CTRB2: variants seen among roughly 807,000 people sequenced by gnomAD.
The protein encoded by CTRB2 is chymotrypsin B2.
CTRB2 carries 9 observed loss-of-function variants against 19.3 expected under a neutral mutation model. That is an observed-to-expected ratio of 0.47 (90% CI 0.28 to 0.81). The LOEUF (loss-of-function observed/expected upper bound fraction) is 0.81, where lower values mean the gene tolerates loss of function less well. Ranked by LOEUF, CTRB2 falls within the 40% of genes least tolerant of loss-of-function variation. The probability of loss-of-function intolerance (pLI) is 0.11; values close to 1 mark genes in which losing one functional copy is unlikely to be tolerated. For synonymous variants in CTRB2, 98 were observed against 117.3 expected (o/e 0.84, Z 1.06); for missense variants, 210 against 269.7 (o/e 0.78, Z 1.55).
intron 1 of CTRB2, 29 bp from the exon 2 acceptor site, chr16:75,206,222 G>T (rs752532451): frequency 6.5e-7 from 1 of 1,543,534 alleles, no homozygotes; most frequent in Non-Finnish European, 8.8e-7. Flanking sequence ...TGAGGGGTGG[G>T]TACCACCCAC....
At chr16:75,204,509 G>A (rs1200718307) in intron 6 of CTRB2, among the ~76,000 whole-genome samples, 187 bp from the exon 7 acceptor site, 2 of 152,106 alleles carry the variant, frequency 1.3e-5, no homozygotes, top group Admixed American at 6.5e-5. Flanking sequence ...GGAGGGAGCT[G>A]GGGCAGGTGG....
At position 75,204,322 on chromosome 16, in the gene CTRB2, C is replaced by A. The variant is rs759430138; in HGVS notation, c.631G>T (p.Gly211Cys). 7 of 1,613,752 alleles carry A rather than the reference C, an allele frequency of 4.3e-6. No individual in the cohort carries two copies. In the East Asian group the frequency reaches 1.6e-4, roughly 36 times the overall value. Residue 211 changes from glycine to cysteine, a missense_variant and splice_region_variant, in exon 7 of 7, where the codon GGT becomes TGT. Around this residue, in one of 4 missense-constraint regions of CTRB2, gnomAD observed 120 missense variants for 90.8 expected, o/e 1.32. Transcript: ENST00000303037. Reference protein sequence around the residue: ...AGASGVSSCMGDSGGPLVCQK... With the variant: ...AGASGVSSCMCDSGGPLVCQK... ...CAGACCAGGGGGCCTCCAGAGTCAC[C>A]CTGCAGGAAGGAGAGGAAGTATCTC...
chr16:75,204,830 G>T lies in CTRB2; in HGVS notation c.573C>A (p.Gly191=), dbSNP rs1472095182. ...LSNAECKKSW[G]RRITDVMICA... ...AGATCATCACGTCGGTGATCCTCCTGCCCCAGGACTTCTTGCATTCGGCAT... is the reference window on the plus strand; with the variant it reads ...AGATCATCACGTCGGTGATCCTCCTTCCCCAGGACTTCTTGCATTCGGCAT... Residue 191 remains glycine (G), a synonymous_variant, in exon 6 of 7, where the codon GGC becomes GGA. Transcript: ENST00000303037. 7 of 1,379,148 alleles carry T rather than the reference G, an allele frequency of 5.1e-6. No homozygotes were observed. The Admixed American group carries it at 1.5e-4, about 30-fold the overall frequency. 85.4% of individuals were successfully genotyped at this position (1,379,148 alleles called of 1,614,324 possible).
At chr16:75,207,060 C>G in intron 1 of CTRB2, 30 bp downstream of exon 1, 2 of 1,549,446 alleles carry the variant, frequency 1.3e-6, no homozygotes, top group Non-Finnish European at 1.7e-6. Flanking sequence ...AGGAGAAAAC[C>G]CTTCGGCCTC....
chr16:75,206,840 C>G (rs1471081222), intron 1 of CTRB2: 2 of 517,196 alleles, frequency 3.9e-6, no homozygotes, highest in African/African-American at 3.9e-5. Flanking sequence ...CCCCTGAGAG[C>G]CTCAGGTCTG....
chr16:75,206,311 C>G (rs2038891346), intron 1 of CTRB2, 118 bp from the exon 2 acceptor site: 1 of 1,119,056 alleles, frequency 8.9e-7, no homozygotes, highest in East Asian at 2.6e-5. Context: ...CCCACATCCC[C>G]TTCTCTGAGA....
intron 6 of CTRB2, 153 bp downstream of exon 6, chr16:75,204,620 G>T: frequency 1.4e-6 from 2 of 1,436,644 alleles, no homozygotes; most frequent in Non-Finnish European, 1.9e-6. Flanking sequence ...TGGCCTGGAG[G>T]AACCCTCATG....
At chr16:75,206,772 G>T in intron 1 of CTRB2, 1 of 427,920 alleles carries the variant, frequency 2.3e-6, no homozygotes, top group Non-Finnish European at 4.4e-6. Flanking sequence ...GACTGTTTGG[G>T]GGTTTCCCGA....
chr16:75,206,143 C>G lies in CTRB2; in HGVS notation c.103G>C (p.Val35Leu). 4 of 1,547,884 alleles carry G rather than the reference C, an allele frequency of 2.6e-6. No individual in the cohort carries two copies. Among genetic ancestry groups the G allele is most frequent in the Non-Finnish European group, 3.5e-6 (4 of 1,144,680 alleles). Reference sequence around the variant, plus strand: ...CCGGGGACGGCGTCCTCCCCATTCACGATCCTGGACAGGCCGCTGAGCACA... The same window carrying G: ...CCGGGGACGGCGTCCTCCCCATTCAGGATCCTGGACAGGCCGCTGAGCACA... ...HPVLSGLSRI[V>L]NGEDAVPGSW... Residue 35 changes from valine (V) to leucine (L), a missense_variant, in exon 2 of 7, where the codon GTG becomes CTG. Physicochemically the swap from Val to Leu is conservative, Grantham distance 32 (BLOSUM62 1). Around this residue, in one of 4 missense-constraint regions of CTRB2, gnomAD observed 57 missense variants for 72.6 expected, o/e 0.79. Coordinates refer to ENST00000303037, the MANE Select transcript of CTRB2 (RefSeq NM_001025200.4).
In CTRB2 at chr16:75,206,321, A is replaced by C. The variant is rs140328653; in HGVS notation, c.53-128T>G. On this transcript the variant is annotated intron_variant, in intron 1 of 6. Transcript: ENST00000303037. ...TGGCTCCCACATCCCCTTCTCTGAG[A>C]AGTTGGCCCTGGCTCTCCTCTCCGC... 3.0e-3 allele frequency: 3,087 copies of C among 1,027,944 alleles called. 24 individuals carry two copies. The highest frequency in any genetic ancestry group is 0.011 in the South Asian group (661 of 60,052). The allele number at this position is 1,027,944 out of a possible 1,614,324, so 63.7% of individuals were successfully genotyped here. A position where few individuals can be genotyped will look rare whatever the true frequency, so the allele number is the denominator to read the frequency against.
At chr16:75,206,743 A>G (rs1246053007) in intron 1 of CTRB2, 1 of 394,386 alleles carries the variant, frequency 2.5e-6, no homozygotes, top group African/African-American at 2.1e-5. Context: ...TCACCACCCA[A>G]ACCTGTGCTG....
chr16:75,206,968 G>A (rs939475250), intron 1 of CTRB2, 122 bp downstream of exon 1: 20 of 950,300 alleles, frequency 2.1e-5, no homozygotes, highest in East Asian at 8.0e-5. Flanking sequence ...CCGGTGACTC[G>A]CCCAGGCCCA....
rs767484270 is a variant in CTRB2, at chr16:75,204,230, G to C, written c.723C>G (p.Thr241=). ...VSWGSRTCST[T]TPAVYARVAK... is the part of the protein sequence containing the mutation. ...CGACACGGGCGTACACAGCGGGCGT[G>C]GTGGTAGAGCAGGTGCGGCTGCCCC... Residue 241 remains threonine (T), a synonymous_variant, in exon 7 of 7, where the codon ACC becomes ACG. Coordinates refer to ENST00000303037, the MANE Select transcript of CTRB2 (RefSeq NM_001025200.4). The C allele has an allele frequency of 1.9e-6, 3 of 1,613,890 alleles. No homozygotes were observed. In the African/African-American group the frequency reaches 4.0e-5, roughly 22 times the overall value.
chr16:75,206,192 G>T lies in CTRB2; in HGVS notation c.54C>A (p.Gly18=). The T allele has an allele frequency of 1.3e-6, 2 of 1,558,036 alleles. No homozygotes were observed. Among genetic ancestry groups the T allele is most frequent in the Non-Finnish European group, 1.7e-6 (2 of 1,150,506 alleles). The change falls in exon 2 of 7, where the codon GGC becomes GGA. Residue 18 remains glycine, a splice_region_variant and synonymous_variant. Coordinates refer to ENST00000303037, the MANE Select transcript of CTRB2 (RefSeq NM_001025200.4). ...CAGGGTGGATGGCGGGGACCCCGCA[G>T]CCTGGGGGCGGGAGTGGGCTGAGGG... ...SCWALLGTTF[G]CGVPAIHPVL...
rs769192479 is a variant in CTRB2 at position 75,206,188 on chromosome 16, C to T, written c.58G>A (p.Gly20Arg). 1.0e-5 allele frequency: 16 copies of T among 1,557,298 alleles called. No homozygotes were observed. The highest frequency in any genetic ancestry group is 1.4e-5 in the African/African-American group (1 of 73,492). Residue 20 changes from glycine to arginine, a missense_variant, in exon 2 of 7, where the codon GGG (glycine) becomes AGG (arginine). Gly to Arg is a moderately radical substitution (Grantham distance 125, BLOSUM62 -2). Coordinates refer to ENST00000303037, the MANE Select transcript of CTRB2 (RefSeq NM_001025200.4). ...WALLGTTFGC[G>R]VPAIHPVLSG... ...AGCACAGGGTGGATGGCGGGGACCCCGCAGCCTGGGGGCGGGAGTGGGCTG... is the reference window on the plus strand; with the variant it reads ...AGCACAGGGTGGATGGCGGGGACCCTGCAGCCTGGGGGCGGGAGTGGGCTG...
chr16:75,204,242 G>A lies in CTRB2; in HGVS notation c.711C>T (p.Thr237=), dbSNP rs1157080800. The A allele has an allele frequency of 9.9e-6, 16 of 1,614,038 alleles. No homozygotes were observed. Among genetic ancestry groups the A allele is most frequent in the Non-Finnish European group, 1.4e-5 (16 of 1,180,014 alleles). The change falls in exon 7 of 7, where the codon ACC becomes ACT. Residue 237 remains threonine, a synonymous_variant. Transcript: ENST00000303037. ...LVGIVSWGSR[T]CSTTTPAVYA... ...ACACAGCGGGCGTGGTGGTAGAGCA[G>A]GTGCGGCTGCCCCAGGACACAATGC... is the stretch of plus-strand genomic sequence containing the variant.
Position 75,206,193 on chromosome 16 carries a change from C to A in CTRB2, c.53G>T (p.Gly18Val), listed in dbSNP as rs1478064510. 1 of 1,558,104 alleles carries A rather than the reference C, an allele frequency of 6.4e-7. No individual in the cohort carries two copies. Among genetic ancestry groups the A allele is most frequent in the Non-Finnish European group, 8.7e-7 (1 of 1,150,528 alleles). ...SCWALLGTTF[G>V]CGVPAIHPVL... ...AGGGTGGATGGCGGGGACCCCGCAG[C>A]CTGGGGGCGGGAGTGGGCTGAGGGG... Residue 18 changes from glycine (G) to valine (V), a missense_variant and splice_region_variant, in exon 2 of 7, where the codon GGC becomes GTC. Coordinates refer to ENST00000303037, the MANE Select transcript of CTRB2 (RefSeq NM_001025200.4).
At chr16:75,204,751 G>C (rs1208589338) in intron 6 of CTRB2, 22 bp downstream of exon 6, 3 of 1,276,678 alleles carry the variant, frequency 2.3e-6, no homozygotes, top group Non-Finnish European at 1.0e-6. Flanking sequence ...CCTGGCCAGG[G>C]CCTGGGCAGG....
rs1394539935 is a variant in CTRB2, at chr16:75,204,231, G to C, written c.722C>G (p.Thr241Ser). ...VSWGSRTCST[T>S]TPAVYARVAK... is the part of the protein sequence containing the mutation. Reference sequence around the variant, plus strand: ...GACACGGGCGTACACAGCGGGCGTGGTGGTAGAGCAGGTGCGGCTGCCCCA... The same window carrying C: ...GACACGGGCGTACACAGCGGGCGTGCTGGTAGAGCAGGTGCGGCTGCCCCA... Residue 241 changes from threonine to serine, a missense_variant, in exon 7 of 7, where the codon ACC (threonine) becomes AGC (serine). By Grantham distance (58) the Thr-to-Ser change is moderately conservative. This residue lies in a region of CTRB2 where 120 missense variants were observed against 90.8 expected (regional missense o/e 1.32). Transcript: ENST00000303037. 1 of 1,614,148 alleles carries C rather than the reference G, an allele frequency of 6.2e-7. No homozygotes were observed. The highest frequency in any genetic ancestry group is 1.3e-5 in the African/African-American group (1 of 75,034).
Sources: gnomAD v4.1 joint callset for allele counts (sites outside exome capture counted in the v4.1 genomes callset) on GRCh38, gnomAD v4.1.1 for gene constraint, gnomAD v4.1.1 regional missense constraint, MANE v1.5 for transcripts, NCBI Gene and HGNC (gene_info 2026-07-23, HGNC 2026-07-21) for gene names.